Variants in MATN3 observed in about 807,000 individuals in gnomAD.
The protein encoded by MATN3 is matrilin-3.
Under a neutral mutation model 45.3 loss-of-function variants are expected in MATN3, and 48 were observed. That is an observed-to-expected ratio of 1.06 (90% CI 0.84 to 1.35). The LOEUF (loss-of-function observed/expected upper bound fraction) is 1.35. MATN3 is among the 40% of genes most tolerant of loss of function. MATN3 has a pLI of 0.00. For missense variants in MATN3, 599 were observed against 628.0 expected (o/e 0.95, Z 0.49); for synonymous variants, 217 against 245.9 (o/e 0.88, Z 1.10).
At chr2:19,993,361 G>C (rs1672797435) in intron 7 of MATN3, among the ~76,000 whole-genome samples, 195 bp from the exon 8 acceptor site, 1 of 152,158 alleles carries the variant, frequency 6.6e-6, no homozygotes, top group African/African-American at 2.4e-5. Context: ...AATAAAAGTA[G>C]ACCCCTGCAG....
rs1474195681 is a variant in MATN3, at chr2:20,002,159, TATAC to T, written c.917-83_917-80del. ...AATTGTGGGCCACGCCACTTACAGT[TATAC>T]ACACACACACACACACACACACACA... On this transcript the variant is annotated intron_variant, in intron 3 of 7. Coordinates refer to ENST00000407540, the MANE Select transcript of MATN3 (RefSeq NM_002381.5). The T allele has an allele frequency of 1.6e-4, 118 of 723,088 alleles. 1 individual carries two copies. The highest frequency in any genetic ancestry group is 2.2e-4 in the Non-Finnish European group (105 of 482,874). The allele number at this position is 723,088 out of a possible 1,614,324, so 44.8% of individuals were successfully genotyped here. A position where few individuals can be genotyped will look rare whatever the true frequency, so the allele number is the denominator to read the frequency against.
At chr2:19,994,540 G>C in intron 6 of MATN3, 131 bp from the exon 7 acceptor site, 1 of 604,408 alleles carries the variant, frequency 1.7e-6, no homozygotes, top group Non-Finnish European at 2.9e-6. Context: ...AAGAGGTAAA[G>C]GGATAGATGA....
At chr2:19,994,944 G>T (rs1672834046) in intron 6 of MATN3, among the ~76,000 whole-genome samples, 2 of 152,134 alleles carry the variant, frequency 1.3e-5, no homozygotes, top group Non-Finnish European at 1.5e-5. Flanking sequence ...AAAATAGTTA[G>T]CCAGGCATAG....
In MATN3 at chr2:20,012,056, G is replaced by A. The variant is rs1234449272; in HGVS notation, c.223+353C>T. ...TGGAGAGATTCCAAGAGAACTAACAGCAGAGTCTCAGGAAGGGTTTGCTCA... is the reference window on the plus strand; with the variant it reads ...TGGAGAGATTCCAAGAGAACTAACAACAGAGTCTCAGGAAGGGTTTGCTCA... On this transcript the variant is annotated intron_variant, in intron 1 of 7. Transcript: ENST00000407540. The surrounding 1 kb of genome is among the most constrained non-coding windows in gnomAD (Gnocchi z 4.3). Among the ~76,000 whole-genome samples, 2 of 152,188 alleles carry A rather than the reference G, an allele frequency of 1.3e-5. No homozygotes were observed. The highest frequency in any genetic ancestry group is 2.9e-5 in the Non-Finnish European group (2 of 68,024).
At chr2:20,007,272 T>C (rs1248416203) in intron 1 of MATN3, among the ~76,000 whole-genome samples, 1 of 151,574 alleles carries the variant, frequency 6.6e-6, no homozygotes, top group African/African-American at 2.4e-5. Flanking sequence ...TCACGCCTGG[T>C]AATCCCAACA....
intron 1 of MATN3, among the ~76,000 whole-genome samples, chr2:20,010,083 A>AAAAAAAAAAAAAAAAAAAAAAAAG (rs1673190965): frequency 6.7e-6 from 1 of 150,024 alleles, no homozygotes; most frequent in Non-Finnish European, 1.5e-5. Flanking sequence ...AAAAAAAAAA[A>AAAAAAAAAAAAAAAAAAAAAAAAG]AAAAAAACCT....
intron 1 of MATN3, among the ~76,000 whole-genome samples, 184 bp from the exon 2 acceptor site, chr2:20,006,494 G>A (rs970018256): frequency 6.6e-6 from 1 of 152,178 alleles, no homozygotes; most frequent in African/African-American, 2.4e-5. Flanking sequence ...GAATTCCCTA[G>A]TGAGAATTCA....
chr2:20,006,465 G>A (rs556593420), intron 1 of MATN3, among the ~76,000 whole-genome samples, 155 bp from the exon 2 acceptor site: 1 of 152,264 alleles, frequency 6.6e-6, no homozygotes, highest in Admixed American at 6.5e-5. Flanking sequence ...TCGGGGTGTT[G>A]AAAGCACCAA....
intron 1 of MATN3, among the ~76,000 whole-genome samples, chr2:20,007,394 T>A (rs1396868901): frequency 6.6e-6 from 1 of 151,946 alleles, no homozygotes; most frequent in Non-Finnish European, 1.5e-5. Flanking sequence ...CGGGTCGTAG[T>A]GGCATGTGCC....
In MATN3 at chr2:19,995,849, A is replaced by T. The variant is rs1672855991; in HGVS notation, c.1294+1285T>A. Reference sequence around the variant, plus strand: ...CAAAGATCCAATATAGGGATGGGAGATCATAAATTCATTAAATATAATCTA... The same window carrying T: ...CAAAGATCCAATATAGGGATGGGAGTTCATAAATTCATTAAATATAATCTA... On this transcript the variant is annotated intron_variant, in intron 6 of 7. Transcript: ENST00000407540. The surrounding 1 kb of genome is among the most constrained non-coding windows in gnomAD (Gnocchi z 4.2). Among the ~76,000 whole-genome samples, 1 of 152,222 alleles carries T rather than the reference A, an allele frequency of 6.6e-6. No homozygotes were observed. The highest frequency in any genetic ancestry group is 2.4e-5 in the African/African-American group (1 of 41,452).
chr2:20,004,888 A>T lies in MATN3; in HGVS notation c.790+856T>A, dbSNP rs1202322770. Among the ~76,000 whole-genome samples the T allele has an allele frequency of 3.3e-5, 5 of 152,236 alleles. No individual in the cohort carries two copies. The East Asian group carries it at 7.7e-4, about 23-fold the overall frequency. On this transcript the variant is annotated intron_variant, in intron 2 of 7. Transcript: ENST00000407540. The stretch of plus-strand genomic sequence containing the variant: ...CACAACTGCTTGGATATTCACATAG[A>T]GGGAACAAAAGATTATCTCCAGATG...
At position 20,003,278 on chromosome 2, in the gene MATN3, G is replaced by A; in HGVS notation, c.799C>T (p.Pro267Ser). The change falls in exon 3 of 8, where the codon CCC becomes TCC. Residue 267 changes from proline to serine, a missense_variant. Transcript: ENST00000407540. The stretch of plus-strand genomic sequence containing the variant: ...CACTGGTGTGTTCCAAGCACACAGG[G>A]GTCCAGCGCTGTGAGAGGAAGTTTA... The part of the protein sequence containing the change: ...RFQETFCALD[P>S]CVLGTHQCQH... The A allele has an allele frequency of 1.9e-6, 3 of 1,612,316 alleles. No individual in the cohort carries two copies. Among genetic ancestry groups the A allele is most frequent in the Non-Finnish European group, 2.5e-6 (3 of 1,178,760 alleles).
intron 7 of MATN3, 38 bp downstream of exon 7, chr2:19,994,261 G>T (rs780326090): frequency 2.2e-6 from 3 of 1,379,370 alleles, no homozygotes; most frequent in Non-Finnish European, 3.1e-6. Context: ...ACCTTGGTTG[G>T]CTCCAGGCAG....
At chr2:20,005,342 A>T (rs942006637) in intron 2 of MATN3, among the ~76,000 whole-genome samples, 1 of 152,164 alleles carries the variant, frequency 6.6e-6, no homozygotes, top group African/African-American at 2.4e-5. Context: ...AGATCTAGAG[A>T]TGGTAAAACT....
intron 1 of MATN3, among the ~76,000 whole-genome samples, chr2:20,008,008 G>A (rs931786447): frequency 7.2e-5 from 11 of 152,166 alleles, no homozygotes; most frequent in African/African-American, 2.7e-4. Context: ...TGTCACCCAG[G>A]CTGGAGTGCG....
intron 1 of MATN3, among the ~76,000 whole-genome samples, chr2:20,008,613 CTT>C (rs1350995313): frequency 6.6e-6 from 1 of 152,084 alleles, no homozygotes. Context: ...TTCAGTAACA[CTT>C]TAGGAATCGC....
chr2:19,999,529 T>G (rs552736878), intron 5 of MATN3, among the ~76,000 whole-genome samples: 1 of 151,178 alleles, frequency 6.6e-6, no homozygotes, highest in South Asian at 2.1e-4. Flanking sequence ...TTTAACTTGC[T>G]CAGAGGCAGA....
Position 20,012,507 on chromosome 2 carries a change from C to G in MATN3, c.125G>C (p.Arg42Pro). ...ARPGFRRLET[R>P]GPGGSPGRRP... The stretch of plus-strand genomic sequence containing the variant: ...GCGTCCAGGGCTGCCCCCGGGACCT[C>G]GGGTCTCCAGCCTCCGGAAGCCCGG... Residue 42 changes from arginine (R) to proline (P), a missense_variant, in exon 1 of 8, where the codon CGA (arginine) becomes CCA (proline). Coordinates refer to ENST00000407540, the MANE Select transcript of MATN3 (RefSeq NM_002381.5). This position sits in a 1 kb window ranked among gnomAD's most constrained non-coding sequence, Gnocchi z 4.3. The G allele has an allele frequency of 8.1e-7, 1 of 1,228,536 alleles. No individual in the cohort carries two copies. The highest frequency in any genetic ancestry group is 1.0e-6 in the Non-Finnish European group (1 of 986,056). The allele number at this position is 1,228,536 out of a possible 1,614,324, so 76.1% of individuals were successfully genotyped here.
intron 1 of MATN3, among the ~76,000 whole-genome samples, chr2:20,009,215 A>T (rs1448362173): frequency 2.1e-5 from 3 of 144,400 alleles, no homozygotes; most frequent in African/African-American, 7.7e-5. Context: ...ATAGAATGAG[A>T]CCCAGTCTCT....
Sources: gnomAD v4.1 joint callset for allele counts (sites outside exome capture counted in the v4.1 genomes callset) on GRCh38, gnomAD v4.1.1 for gene constraint, Gnocchi (gnomAD v3.1) non-coding constraint, MANE v1.5 for transcripts, NCBI Gene and HGNC (gene_info 2026-07-23, HGNC 2026-07-21) for gene names.